The following ESRRG variants were observed in gnomAD, a reference collection of about 807,000 sequenced individuals.
The protein encoded by ESRRG is estrogen-related receptor gamma.
A neutral mutation model predicts 44.0 loss-of-function variants in ESRRG; 13 were observed. The ratio of observed to expected loss-of-function variants is 0.30; its 90% CI spans 0.19 to 0.47. The LOEUF (loss-of-function observed/expected upper bound fraction) is 0.47. ESRRG is among the 20% of genes least tolerant of loss of function. The pLI is 1.00. For synonymous variants in ESRRG, 215 were observed against 214.6 expected (o/e 1.00, Z -0.02); for missense variants, 395 against 580.6 (o/e 0.68, Z 3.29).
At chr1:217,093,835 C>A (rs2092386145), upstream of ESRRG, among the ~76,000 whole-genome samples, 1 of 150,832 alleles carries the variant, frequency 6.6e-6, no homozygotes, top group African/African-American at 2.4e-5. Flanking sequence ...TACAAAACTG[C>A]CCTTTTTTAA....
At chr1:216,873,434 A>T (rs2096288585) in intron 2 of ESRRG, among the ~76,000 whole-genome samples, 2 of 151,322 alleles carry the variant, frequency 1.3e-5, no homozygotes, top group African/African-American at 4.9e-5. Flanking sequence ...CTGGTCTCGA[A>T]CTCCTGACCT....
At chr1:216,571,467 A>G (rs2060796514) in intron 3 of ESRRG, among the ~76,000 whole-genome samples, 1 of 152,066 alleles carries the variant, frequency 6.6e-6, no homozygotes, top group Admixed American at 6.5e-5. Flanking sequence ...ACAAACAAAC[A>G]TAAAACAAAC....
In ESRRG at chr1:216,947,952, C is replaced by A. The variant is rs549517664; in HGVS notation, c.-105-8279G>T. 2.6e-5 allele frequency among the ~76,000 whole-genome samples: 4 copies of A among 152,150 alleles called. No homozygotes were observed. The South Asian group carries it at 8.3e-4, about 32-fold the overall frequency. On this transcript the variant is annotated intron_variant, in intron 1 of 7. Transcript: ENST00000359162. Reference sequence around the variant, plus strand: ...ATATCCCATATGGTCTCCTTTTTTGCAGATGATAGATACAGGAAACTGTGG... The same window carrying A: ...ATATCCCATATGGTCTCCTTTTTTGAAGATGATAGATACAGGAAACTGTGG...
At chr1:217,060,295 G>C (rs1170090212) in intron 1 of ESRRG, among the ~76,000 whole-genome samples, 1 of 152,004 alleles carries the variant, frequency 6.6e-6, no homozygotes, top group East Asian at 1.9e-4. Flanking sequence ...ACAGTATAAA[G>C]CACATGGTTG....
chr1:216,954,789 T>G lies in ESRRG; in HGVS notation c.-105-15116A>C, dbSNP rs866911814. On this transcript the variant is annotated intron_variant, in intron 1 of 7. Transcript: ENST00000359162. Reference sequence around the variant, plus strand: ...AGCTGACAGGCAGAGGAGTAAGTTGTGACATCTCAGTAGTGATCCTGCCTG... The same window carrying G: ...AGCTGACAGGCAGAGGAGTAAGTTGGGACATCTCAGTAGTGATCCTGCCTG... 5.3e-5 allele frequency among the ~76,000 whole-genome samples: 8 copies of G among 152,296 alleles called. 1 individual carries two copies. Among genetic ancestry groups the G allele is most frequent in the Non-Finnish European group, 1.2e-4 (8 of 68,022 alleles).
chr1:216,955,553 T>C (rs2067794869), intron 1 of ESRRG, among the ~76,000 whole-genome samples: 2 of 152,152 alleles, frequency 1.3e-5, no homozygotes, highest in Non-Finnish European at 2.9e-5. Flanking sequence ...ATTGGATAAA[T>C]ACACAGTAGT....
chr1:216,708,665 G>C (rs567069705), intron 1 of ESRRG, among the ~76,000 whole-genome samples: 16 of 152,150 alleles, frequency 1.1e-4, no homozygotes, highest in Non-Finnish European at 1.6e-4. Context: ...GTGATTCCTC[G>C]AGGATGTAGA....
chr1:217,086,692 A>G (rs559643041), intron 1 of ESRRG, among the ~76,000 whole-genome samples: 8 of 152,326 alleles, frequency 5.3e-5, no homozygotes, highest in African/African-American at 1.9e-4. Context: ...GTTTTTCTTC[A>G]TTAATGTGGC....
intron 6 of ESRRG, among the ~76,000 whole-genome samples, chr1:216,513,238 T>A (rs2043233813): frequency 6.6e-6 from 1 of 152,120 alleles, no homozygotes; most frequent in Admixed American, 6.6e-5. Flanking sequence ...AAGAAATTTC[T>A]GGTGGATGGT....
intron 2 of ESRRG, among the ~76,000 whole-genome samples, chr1:216,904,380 T>C (rs1025581297): frequency 1.3e-5 from 2 of 152,210 alleles, no homozygotes; most frequent in African/African-American, 4.8e-5. Context: ...AAACCCTCTG[T>C]TAAACTTCAA....
At chr1:216,917,440 T>G (rs1388865149) in intron 2 of ESRRG, among the ~76,000 whole-genome samples, 1 of 152,204 alleles carries the variant, frequency 6.6e-6, no homozygotes, top group East Asian at 1.9e-4. Flanking sequence ...TTCTCATCCA[T>G]TAAAAGGGAA....
At chr1:216,651,161 G>T in intron 2 of ESRRG, 72 bp from the exon 3 acceptor site, 1 of 961,474 alleles carries the variant, frequency 1.0e-6, no homozygotes, top group Non-Finnish European at 1.7e-6. Context: ...CAAAGGCAAT[G>T]TCAACTCTAT....
intron 3 of ESRRG, among the ~76,000 whole-genome samples, chr1:216,585,913 G>A (rs764726495): frequency 6.6e-6 from 1 of 152,092 alleles, no homozygotes; most frequent in African/African-American, 2.4e-5. Context: ...GGTTGTGGGT[G>A]CCTGTAGTCT....
chr1:216,824,969 T>C (rs2095365412), intron 2 of ESRRG, among the ~76,000 whole-genome samples: 1 of 152,220 alleles, frequency 6.6e-6, no homozygotes, highest in African/African-American at 2.4e-5. Flanking sequence ...AGACAGAGAA[T>C]TCACTACATC....
chr1:216,897,587 C>T (rs992728660), intron 2 of ESRRG, among the ~76,000 whole-genome samples: 6 of 152,142 alleles, frequency 3.9e-5, no homozygotes, highest in African/African-American at 1.4e-4. Context: ...ATCAAGCCTA[C>T]AGGAATGTAA....
At chr1:216,807,476 C>T (rs771209587) in intron 2 of ESRRG, among the ~76,000 whole-genome samples, 1 of 152,024 alleles carries the variant, frequency 6.6e-6, no homozygotes, top group Non-Finnish European at 1.5e-5. Context: ...AACATAGTTT[C>T]TTTTATTTCT....
intron 1 of ESRRG, among the ~76,000 whole-genome samples, chr1:216,972,546 T>G (rs2071905402): frequency 1.3e-5 from 2 of 152,212 alleles, no homozygotes; most frequent in Non-Finnish European, 1.5e-5. Context: ...GTATTAGGAA[T>G]GTGTCACATT....
intron 2 of ESRRG, among the ~76,000 whole-genome samples, chr1:216,841,990 A>C (rs2095660913): frequency 6.6e-6 from 1 of 152,196 alleles, no homozygotes; most frequent in African/African-American, 2.4e-5. Context: ...TAACCCTCTA[A>C]TATAAAATAA....
At chr1:216,863,317 C>A (rs1312517936) in intron 2 of ESRRG, 1 of 152,126 alleles carries the variant, frequency 6.6e-6, no homozygotes, top group Non-Finnish European at 1.5e-5. Context: ...GAAATTATAG[C>A]ATTTTTTGAA....
Sources: gnomAD v4.1 joint callset for allele counts (sites outside exome capture counted in the v4.1 genomes callset) on GRCh38, gnomAD v4.1.1 for gene constraint, MANE v1.5 for transcripts, NCBI Gene and HGNC (gene_info 2026-07-23, HGNC 2026-07-21) for gene names.